NELL2: variants seen among roughly 807,000 people sequenced by gnomAD.
The protein encoded by NELL2 is neural EGFL like 2.
Under a neutral mutation model 109.6 loss-of-function variants are expected in NELL2, and 41 were observed. That is an observed-to-expected ratio of 0.37 (90% CI 0.29 to 0.49). The LOEUF (loss-of-function observed/expected upper bound fraction) is 0.49. NELL2 is among the 20% of genes least tolerant of loss of function. NELL2 has a pLI of 0.98. For synonymous variants in NELL2, 355 were observed against 344.7 expected (o/e 1.03, Z -0.33); for missense variants, 900 against 1,008.3 (o/e 0.89, Z 1.45).
intron 9 of NELL2, among the ~76,000 whole-genome samples, chr12:44,746,669 A>G (rs941057319): frequency 3.3e-5 from 5 of 152,334 alleles, no homozygotes; most frequent in African/African-American, 1.2e-4. Flanking sequence ...AAAAGAAGAC[A>G]TTTATGCAGC....
intron 12 of NELL2, among the ~76,000 whole-genome samples, chr12:44,687,327 C>T (rs948764547): frequency 7.9e-5 from 12 of 152,186 alleles, no homozygotes; most frequent in Admixed American, 3.3e-4. Flanking sequence ...GTGAGATGAA[C>T]CCGGTACCTC....
chr12:44,644,600 ATATG>A lies in NELL2; in HGVS notation c.1444+20880_1444+20883del, dbSNP rs1194155980. Among the ~76,000 whole-genome samples, 5 of 91,492 alleles carry A rather than the reference ATATG, an allele frequency of 5.5e-5. 1 individual carries two copies. Among genetic ancestry groups the A allele is most frequent in the South Asian group, 6.3e-4 (2 of 3,154 alleles). The allele number at this position is 91,492 out of a possible 152,430, so 60.0% of individuals were successfully genotyped here. A position where few individuals can be genotyped will look rare whatever the true frequency, so the allele number is the denominator to read the frequency against. On this transcript the variant is annotated intron_variant, in intron 13 of 19. Transcript: ENST00000429094. ...GTAAAGTATATATATATATATATATATATGTATGTATATATATATATATATACAT... is the reference window on the plus strand; with the variant it reads ...GTAAAGTATATATATATATATATATATATGTATATATATATATATATACAT...
At chr12:44,639,151 A>G (rs1043698770) in intron 13 of NELL2, among the ~76,000 whole-genome samples, 1 of 152,138 alleles carries the variant, frequency 6.6e-6, no homozygotes, top group Non-Finnish European at 1.5e-5. Flanking sequence ...TAGCCTATTG[A>G]GCGGCACAGG....
intron 11 of NELL2, among the ~76,000 whole-genome samples, chr12:44,705,476 C>A (rs1229849072): frequency 6.6e-6 from 1 of 152,144 alleles, no homozygotes; most frequent in African/African-American, 2.4e-5. Flanking sequence ...TAAGGCTGTA[C>A]ATTTAAAAGT....
intron 9 of NELL2, among the ~76,000 whole-genome samples, chr12:44,737,879 CG>C (rs141660049): frequency 0.028 from 4,096 of 147,232 alleles, 182 homozygotes; most frequent in African/African-American, 0.096. Context: ...AAAGGGCAAA[CG>C]GTTGGCTGCA....
intron 15 of NELL2, among the ~76,000 whole-genome samples, chr12:44,605,413 A>C (rs1301402448): frequency 6.6e-6 from 1 of 152,274 alleles, no homozygotes; most frequent in South Asian, 2.1e-4. Flanking sequence ...TTGAGTCCAC[A>C]TCTGTTCTCA....
intron 2 of NELL2, among the ~76,000 whole-genome samples, chr12:44,821,799 C>A (rs1017010564): frequency 6.6e-6 from 1 of 151,974 alleles, no homozygotes; most frequent in Non-Finnish European, 1.5e-5. Context: ...CTCACTGCAA[C>A]CTTCGCCTCC....
At position 44,644,592 on chromosome 12, in the gene NELL2, A is replaced by ATATATGTATGTATG. The variant is rs1946995385; in HGVS notation, c.1444+20891_1444+20892insCATACATACATATA. On this transcript the variant is annotated intron_variant, in intron 13 of 19. Transcript: ENST00000429094. Reference sequence around the variant, plus strand: ...CAGACAAAGTAAAGTATATATATATATATATATATATGTATGTATATATAT... The same window carrying ATATATGTATGTATG: ...CAGACAAAGTAAAGTATATATATATATATATGTATGTATGTATATATATATGTATGTATATATAT... Among the ~76,000 whole-genome samples the ATATATGTATGTATG allele has an allele frequency of 3.1e-5, 3 of 97,040 alleles. No homozygotes were observed. The South Asian group carries it at 9.8e-4, about 32-fold the overall frequency. 63.7% of individuals were successfully genotyped at this position (97,040 alleles called of 152,430 possible). A position where few individuals can be genotyped will look rare whatever the true frequency, so the allele number is the denominator to read the frequency against.
chr12:44,736,138 G>A (rs1056326988), intron 9 of NELL2, among the ~76,000 whole-genome samples: 5 of 151,188 alleles, frequency 3.3e-5, no homozygotes, highest in Non-Finnish European at 7.4e-5. Flanking sequence ...AGCCTCCCGA[G>A]TAGCTGGGAC....
At chr12:44,681,523 C>T (rs1044875391) in intron 12 of NELL2, among the ~76,000 whole-genome samples, 3 of 151,984 alleles carry the variant, frequency 2.0e-5, no homozygotes, top group Non-Finnish European at 4.4e-5. Context: ...CCCATTAACT[C>T]GTCATCTAGC....
chr12:44,664,802 C>T (rs949410671), intron 13 of NELL2, among the ~76,000 whole-genome samples: 2 of 151,920 alleles, frequency 1.3e-5, no homozygotes, highest in African/African-American at 4.8e-5. Context: ...TCAAATCCTA[C>T]AGTATTCAAG....
chr12:44,571,583 A>G (rs1271449789), intron 15 of NELL2, among the ~76,000 whole-genome samples: 6 of 152,222 alleles, frequency 3.9e-5, no homozygotes, highest in African/African-American at 1.4e-4. Context: ...TTCTTGCCAC[A>G]TCGTAGGCAT....
At chr12:44,625,352 C>T (rs1946216116) in intron 13 of NELL2, among the ~76,000 whole-genome samples, 1 of 152,022 alleles carries the variant, frequency 6.6e-6, no homozygotes, top group Non-Finnish European at 1.5e-5. Flanking sequence ...GAATTGGCCC[C>T]ACCATAATGG....
chr12:44,831,305 A>G (rs901396800), intron 2 of NELL2, among the ~76,000 whole-genome samples: 4 of 152,116 alleles, frequency 2.6e-5, no homozygotes, highest in African/African-American at 7.2e-5. Flanking sequence ...TCACGAACAG[A>G]TTACTCCCTA....
intron 19 of NELL2, among the ~76,000 whole-genome samples, chr12:44,514,415 C>T (rs959666117): frequency 6.6e-6 from 1 of 151,648 alleles, no homozygotes; most frequent in Non-Finnish European, 1.5e-5. Flanking sequence ...TCAACCATGG[C>T]CCAAACAAGT....
At chr12:44,832,633 T>C (rs1943922657) in intron 2 of NELL2, among the ~76,000 whole-genome samples, 1 of 152,256 alleles carries the variant, frequency 6.6e-6, no homozygotes, top group Non-Finnish European at 1.5e-5. Flanking sequence ...AAGTTACAGA[T>C]TCGTTTTGTC....
intron 15 of NELL2, among the ~76,000 whole-genome samples, chr12:44,549,961 G>C (rs1459896781): frequency 2.0e-5 from 3 of 152,106 alleles, no homozygotes; most frequent in African/African-American, 7.2e-5. Flanking sequence ...GAGGAACAAA[G>C]CTGGAAGTAT....
intron 9 of NELL2, among the ~76,000 whole-genome samples, chr12:44,740,253 C>T (rs1054143685): frequency 6.6e-6 from 1 of 152,096 alleles, no homozygotes; most frequent in East Asian, 1.9e-4. Flanking sequence ...CGTACAGATA[C>T]GTACAGTATA....
intron 15 of NELL2, among the ~76,000 whole-genome samples, chr12:44,533,062 A>T (rs1313353834): frequency 6.6e-6 from 1 of 152,208 alleles, no homozygotes; most frequent in Non-Finnish European, 1.5e-5. Context: ...CAAGTTAGGT[A>T]TGGCCACGTG....
Sources: allele counts gnomAD v4.1 joint callset (sites outside exome capture counted in the v4.1 genomes callset), GRCh38; gene constraint gnomAD v4.1.1; transcripts MANE v1.5; gene names NCBI Gene and HGNC (gene_info 2026-07-23, HGNC 2026-07-21).